The following ARHGAP26 variants were observed in gnomAD, a reference collection of about 807,000 sequenced individuals.
The protein encoded by ARHGAP26 is Rho GTPase activating protein 26.
A neutral mutation model predicts 104.8 loss-of-function variants in ARHGAP26; 38 were observed. That is an observed-to-expected ratio of 0.36 (90% CI 0.28 to 0.48). The LOEUF (loss-of-function observed/expected upper bound fraction) is 0.48, where lower values mean the gene tolerates loss of function less well. Among genes scored for constraint, ARHGAP26 ranks in the 20% least tolerant of loss-of-function variants. The pLI is 0.99. For missense variants in ARHGAP26, 704 were observed against 947.9 expected (o/e 0.74, Z 3.38); for synonymous variants, 341 against 340.0 (o/e 1.00, Z -0.03).
At chr5:142,858,820 C>T (rs1370313710) in intron 1 of ARHGAP26, among the ~76,000 whole-genome samples, 1 of 152,108 alleles carries the variant, frequency 6.6e-6, no homozygotes, top group Admixed American at 6.6e-5. Context: ...ATAGGGAATG[C>T]GAGGAGACTG....
At chr5:143,121,330 A>T (rs1796108421) in intron 18 of ARHGAP26, among the ~76,000 whole-genome samples, 183 bp downstream of exon 18, 1 of 152,168 alleles carries the variant, frequency 6.6e-6, no homozygotes, top group Non-Finnish European at 1.5e-5. Context: ...AAAGGTGTCA[A>T]CCGTGGTAGT....
chr5:143,207,242 C>T lies in ARHGAP26; in HGVS notation c.2033C>T (p.Pro678Leu), dbSNP rs1161529765. 5 of 1,614,146 alleles carry T rather than the reference C, an allele frequency of 3.1e-6. No individual in the cohort carries two copies. The South Asian group carries it at 5.5e-5, about 18-fold the overall frequency. The change falls in exon 21 of 23, where the codon CCC becomes CTC. Residue 678 changes from proline to leucine, a missense_variant. By Grantham distance (98) the Pro-to-Leu change is moderately conservative. This residue lies in a region of ARHGAP26 where 217 missense variants were observed against 242.6 expected (regional missense o/e 0.89). Transcript: ENST00000645722. ...ACTTCACCCCTCTCGCCATCTTGGC[C>T]CATGTTCTCGGCGCCATCCAGCCCT... ...SPTSPLSPSW[P>L]MFSAPSSPMP...
intron 13 of ARHGAP26, among the ~76,000 whole-genome samples, chr5:143,039,781 A>T (rs1391204433): frequency 6.6e-6 from 1 of 152,178 alleles, no homozygotes; most frequent in Non-Finnish European, 1.5e-5. Flanking sequence ...TCAGGAGGAC[A>T]ACTTTTTCTG....
At chr5:142,793,278 C>CTT (rs1760262542) in intron 1 of ARHGAP26, among the ~76,000 whole-genome samples, 1 of 85,812 alleles carries the variant, frequency 1.2e-5, no homozygotes, top group Non-Finnish European at 2.2e-5. Context: ...TTTTTTTAAT[C>CTT]TATCTTTCTT....
At chr5:143,014,036 T>G (rs1271318960) in intron 11 of ARHGAP26, 44 bp from the exon 12 acceptor site, 1 of 1,588,850 alleles carries the variant, frequency 6.3e-7, no homozygotes, top group Non-Finnish European at 8.6e-7. Context: ...ACCTATAGGG[T>G]GGCATAAAAT....
chr5:143,218,016 A>G (rs142713073), intron 22 of ARHGAP26, among the ~76,000 whole-genome samples: 1 of 152,188 alleles, frequency 6.6e-6, no homozygotes, highest in African/African-American at 2.4e-5. Flanking sequence ...GGCCTTCTTT[A>G]TGTTCTCAAG....
intron 11 of ARHGAP26, among the ~76,000 whole-genome samples, chr5:142,949,195 GA>G (rs1424150420): frequency 1.9e-3 from 53 of 27,852 alleles, no homozygotes; most frequent in African/African-American, 9.3e-3. Flanking sequence ...GAGAGAGAGA[GA>G]GAGAGAGAGA....
intron 12 of ARHGAP26, among the ~76,000 whole-genome samples, chr5:143,019,766 A>G (rs1303153411): frequency 6.6e-6 from 1 of 152,230 alleles, no homozygotes; most frequent in African/African-American, 2.4e-5. Flanking sequence ...ACTTAACTCT[A>G]AAAAGATTAG....
Position 143,136,622 on chromosome 5 carries a change from G to A in ARHGAP26, c.1837+2517G>A, listed in dbSNP as rs3776288. ...CAAACCGGCATGGAAGGCACCCTGT[G>A]GGGGGGCAGTGGGAGAGTTGACTGG... On this transcript the variant is annotated intron_variant, in intron 19 of 22. Coordinates refer to ENST00000645722, the MANE Select transcript of ARHGAP26 (RefSeq NM_001135608.3). 3.9e-3 allele frequency among the ~76,000 whole-genome samples: 588 copies of A among 152,190 alleles called. 21 individuals are homozygous for A. The East Asian group carries it at 0.083, about 21-fold the overall frequency.
At chr5:142,910,507 G>A (rs1268782138) in intron 9 of ARHGAP26, among the ~76,000 whole-genome samples, 2 of 152,242 alleles carry the variant, frequency 1.3e-5, no homozygotes, top group Non-Finnish European at 2.9e-5. Context: ...GGGAGGCTGA[G>A]GCAGGTGGAT....
chr5:143,025,491 G>A (rs1038717123), intron 12 of ARHGAP26, among the ~76,000 whole-genome samples: 1 of 152,198 alleles, frequency 6.6e-6, no homozygotes, highest in Non-Finnish European at 1.5e-5. Context: ...ATCTCTTTCG[G>A]TTGAGAAATC....
chr5:143,117,941 C>T (rs1795690461), intron 17 of ARHGAP26, among the ~76,000 whole-genome samples: 1 of 152,260 alleles, frequency 6.6e-6, no homozygotes, highest in Admixed American at 6.5e-5. Flanking sequence ...CTGTGCCAAG[C>T]AGTGTGCTTA....
chr5:142,842,780 A>G (rs2152203431), intron 1 of ARHGAP26, among the ~76,000 whole-genome samples: 1 of 152,322 alleles, frequency 6.6e-6, no homozygotes, highest in East Asian at 1.9e-4. Context: ...GGATTATAGG[A>G]GGTAATATAT....
At chr5:143,203,075 T>A (rs1284182146) in intron 20 of ARHGAP26, 3 of 152,134 alleles carry the variant, frequency 2.0e-5, no homozygotes, top group African/African-American at 7.2e-5. Flanking sequence ...GATTGACAAA[T>A]GTGATCTAAT....
chr5:143,036,110 C>T (rs1006120126), intron 12 of ARHGAP26, among the ~76,000 whole-genome samples: 6 of 152,104 alleles, frequency 3.9e-5, no homozygotes, highest in African/African-American at 1.4e-4. Flanking sequence ...AGTTCAGGTT[C>T]TGCTCACTTC....
At chr5:142,942,101 C>CT (rs2152561791) in intron 11 of ARHGAP26, among the ~76,000 whole-genome samples, 1 of 151,926 alleles carries the variant, frequency 6.6e-6, no homozygotes, top group Non-Finnish European at 1.5e-5. Flanking sequence ...AGAGTCAAAA[C>CT]TAAAGGGAAG....
At chr5:143,038,951 C>G (rs911133317) in intron 13 of ARHGAP26, among the ~76,000 whole-genome samples, 1 of 151,962 alleles carries the variant, frequency 6.6e-6, no homozygotes, top group Non-Finnish European at 1.5e-5. Flanking sequence ...ACCTCGGTCT[C>G]CCAAAGTGCT....
intron 12 of ARHGAP26, among the ~76,000 whole-genome samples, chr5:143,015,185 T>G (rs1041233941): frequency 2.6e-5 from 4 of 152,060 alleles, no homozygotes; most frequent in African/African-American, 9.7e-5. Flanking sequence ...AGGGAAAAAT[T>G]TCAAGTAAAT....
At chr5:143,058,254 A>G in intron 17 of ARHGAP26, 1 of 273,074 alleles carries the variant, frequency 3.7e-6, no homozygotes, top group Non-Finnish European at 7.2e-6. Flanking sequence ...AATATGGATA[A>G]TAGACTCCCC....
Sources: allele counts gnomAD v4.1 joint callset (sites outside exome capture counted in the v4.1 genomes callset), GRCh38; gene constraint gnomAD v4.1.1; regional missense constraint gnomAD v4.1.1; transcripts MANE v1.5; gene names NCBI Gene and HGNC (gene_info 2026-07-23, HGNC 2026-07-21).